Variants in RUNDC3B observed in about 807,000 individuals in gnomAD.
The protein encoded by RUNDC3B is RUN domain-containing protein 3B.
Under a neutral mutation model 58.4 loss-of-function variants are expected in RUNDC3B, and 33 were observed. That is an observed-to-expected ratio of 0.56 (90% CI 0.43 to 0.75). The LOEUF (loss-of-function observed/expected upper bound fraction) is 0.75. Ranked by LOEUF, RUNDC3B falls within the 30% of genes least tolerant of loss-of-function variation. RUNDC3B has a pLI of 0.00. For missense variants in RUNDC3B, 501 were observed against 535.7 expected (o/e 0.94, Z 0.64); for synonymous variants, 193 against 195.2 (o/e 0.99, Z 0.10).
At chr7:87,814,761 T>G (rs1836939527) in intron 9 of RUNDC3B, among the ~76,000 whole-genome samples, 1 of 152,176 alleles carries the variant, frequency 6.6e-6, no homozygotes. Flanking sequence ...AGTTAAAAAT[T>G]ATTTTAAATA....
chr7:87,701,524 T>G (rs1480702633), intron 3 of RUNDC3B, among the ~76,000 whole-genome samples: 2 of 152,206 alleles, frequency 1.3e-5, no homozygotes, highest in Non-Finnish European at 2.9e-5. Context: ...AAATGATCAG[T>G]TCGTGGAATT....
chr7:87,727,600 A>G (rs1236374421), intron 4 of RUNDC3B, among the ~76,000 whole-genome samples: 1 of 152,120 alleles, frequency 6.6e-6, no homozygotes, highest in African/African-American at 2.4e-5. Context: ...TTTTTCCCAG[A>G]TGAATTTCTA....
intron 1 of RUNDC3B, among the ~76,000 whole-genome samples, chr7:87,639,153 CAAAAA>C (rs71117547): frequency 1.1e-5 from 1 of 87,732 alleles, no homozygotes; most frequent in Admixed American, 1.5e-4. Flanking sequence ...GACTCCGTCT[CAAAAA>C]AAAAAAAAAA....
At chr7:87,763,410 TTA>T (rs1833805635) in intron 6 of RUNDC3B, among the ~76,000 whole-genome samples, 1 of 151,638 alleles carries the variant, frequency 6.6e-6, no homozygotes, top group Non-Finnish European at 1.5e-5. Context: ...TTACTTTTTC[TTA>T]TATTATAACC....
At chr7:87,694,972 A>G (rs1828375219) in intron 2 of RUNDC3B, among the ~76,000 whole-genome samples, 1 of 152,186 alleles carries the variant, frequency 6.6e-6, no homozygotes, top group Admixed American at 6.5e-5. Context: ...AGTGAACTAG[A>G]CATTACATTG....
chr7:87,668,758 T>G (rs867011720), intron 2 of RUNDC3B, among the ~76,000 whole-genome samples: 1 of 152,188 alleles, frequency 6.6e-6, no homozygotes, highest in Non-Finnish European at 1.5e-5. Flanking sequence ...AAGAGCATGA[T>G]GTTTAATTTC....
intron 6 of RUNDC3B, among the ~76,000 whole-genome samples, chr7:87,764,109 T>A (rs992355310): frequency 4.8e-4 from 73 of 151,982 alleles, no homozygotes; most frequent in African/African-American, 1.8e-3. Context: ...GTGTAAAAAA[T>A]TTTATTAGCA....
Position 87,723,540 on chromosome 7 carries a change from G to A in RUNDC3B, c.458+12885G>A, listed in dbSNP as rs187663023. 1.0e-3 allele frequency among the ~76,000 whole-genome samples: 159 copies of A among 152,176 alleles called. 1 individual carries two copies. The highest frequency in any genetic ancestry group is 3.7e-3 in the African/African-American group (154 of 41,544). ...ACAGAAAAATACCAATCCATCATTA[G>A]GCTAATGTCACAGGTTGACAAAGAT... On this transcript the variant is annotated intron_variant, in intron 4 of 10. Coordinates refer to ENST00000394654, the MANE Select transcript of RUNDC3B (RefSeq NM_001134405.2).
intron 4 of RUNDC3B, among the ~76,000 whole-genome samples, chr7:87,732,831 T>A (rs1324391453): frequency 6.6e-6 from 1 of 152,220 alleles, no homozygotes; most frequent in African/African-American, 2.4e-5. Flanking sequence ...ACAGTACATT[T>A]GTATGGAGAA....
chr7:87,697,545 A>T, intron 2 of RUNDC3B, among the ~76,000 whole-genome samples: 1 of 152,244 alleles, frequency 6.6e-6, no homozygotes, highest in Non-Finnish European at 1.5e-5. Flanking sequence ...AGATTTCTCT[A>T]GATTCCAAAG....
At chr7:87,645,243 C>T (rs942959718) in intron 1 of RUNDC3B, among the ~76,000 whole-genome samples, 1 of 151,982 alleles carries the variant, frequency 6.6e-6, no homozygotes, top group Non-Finnish European at 1.5e-5. Flanking sequence ...CCACCACAAC[C>T]AGCTAATTTT....
At chr7:87,829,804 C>G (rs1426800714) in intron 10 of RUNDC3B, 81 bp from the exon 11 acceptor site, 2 of 1,048,414 alleles carry the variant, frequency 1.9e-6, no homozygotes, top group Non-Finnish European at 2.8e-6. Flanking sequence ...TTGATTCTTC[C>G]AATTTCTAAT....
chr7:87,769,240 G>A (rs761989850), intron 6 of RUNDC3B, among the ~76,000 whole-genome samples: 6 of 151,586 alleles, frequency 4.0e-5, no homozygotes, highest in Non-Finnish European at 7.4e-5. Context: ...TGAACTTCTG[G>A]CCTCAAGTGA....
intron 1 of RUNDC3B, among the ~76,000 whole-genome samples, chr7:87,635,747 T>A (rs1327849140): frequency 2.0e-5 from 3 of 152,222 alleles, no homozygotes; most frequent in Non-Finnish European, 4.4e-5. Flanking sequence ...TGTTCAAATA[T>A]CAAGACCTCC....
At chr7:87,662,333 A>G (rs1824795514) in intron 2 of RUNDC3B, among the ~76,000 whole-genome samples, 1 of 152,146 alleles carries the variant, frequency 6.6e-6, no homozygotes, top group South Asian at 2.1e-4. Context: ...GCCCAGTCCA[A>G]TGTCCTGGAG....
intron 6 of RUNDC3B, among the ~76,000 whole-genome samples, chr7:87,764,249 T>C (rs888967649): frequency 2.0e-5 from 3 of 151,846 alleles, no homozygotes; most frequent in Non-Finnish European, 4.4e-5. Flanking sequence ...ACTTGCTCCT[T>C]ACATTCATTT....
chr7:87,688,233 T>C (rs535249256), intron 2 of RUNDC3B, among the ~76,000 whole-genome samples: 1 of 152,092 alleles, frequency 6.6e-6, no homozygotes, highest in South Asian at 2.1e-4. Flanking sequence ...ATGTATACCT[T>C]AGTAAATTTG....
intron 2 of RUNDC3B, among the ~76,000 whole-genome samples, chr7:87,658,545 C>A (rs1345425251): frequency 6.6e-6 from 1 of 151,932 alleles, no homozygotes; most frequent in Middle Eastern, 3.2e-3. Context: ...CAGAGCAAAC[C>A]ACAAATAGGA....
chr7:87,721,704 A>G (rs1344399044), intron 4 of RUNDC3B, among the ~76,000 whole-genome samples: 2 of 152,118 alleles, frequency 1.3e-5, no homozygotes, highest in Non-Finnish European at 2.9e-5. Context: ...AGATTGAGCA[A>G]GCAGTTAAAT....
Sources: gnomAD v4.1 joint callset for allele counts (sites outside exome capture counted in the v4.1 genomes callset) on GRCh38, gnomAD v4.1.1 for gene constraint, MANE v1.5 for transcripts, NCBI Gene and HGNC (gene_info 2026-07-23, HGNC 2026-07-21) for gene names.